The following PCED1B variants were observed in gnomAD, a reference collection of about 807,000 sequenced individuals.
PCED1B encodes the protein PC-esterase domain-containing protein 1B.
For synonymous variants in PCED1B, 251 were observed against 246.1 expected (o/e 1.02, Z -0.19); for missense variants, 573 against 573.9 (o/e 1.00, Z 0.02).
intron 3 of PCED1B, among the ~76,000 whole-genome samples, chr12:47,234,590 G>T (rs563620902): frequency 1.3e-5 from 2 of 152,070 alleles, no homozygotes; most frequent in Non-Finnish European, 1.5e-5. Flanking sequence ...GCTTACTTGG[G>T]GTCCTCATTA....
At chr12:47,164,547 G>C (rs1565576969) in intron 2 of PCED1B, among the ~76,000 whole-genome samples, 1 of 152,216 alleles carries the variant, frequency 6.6e-6, no homozygotes. Flanking sequence ...TTGGAGTCTG[G>C]TGCCTGTAGC....
intron 2 of PCED1B, among the ~76,000 whole-genome samples, chr12:47,164,486 T>C (rs1941482621): frequency 6.6e-6 from 1 of 152,250 alleles, no homozygotes; most frequent in Admixed American, 6.5e-5. Flanking sequence ...GTATGGGGAC[T>C]GGGTCCCCAA....
chr12:47,124,137 A>G (rs987668020), intron 2 of PCED1B, among the ~76,000 whole-genome samples: 1 of 152,006 alleles, frequency 6.6e-6, no homozygotes, highest in Non-Finnish European at 1.5e-5. Context: ...AACATATCTA[A>G]CATCCCAAAA....
At chr12:47,204,176 TG>T (rs1484193146) in intron 2 of PCED1B, among the ~76,000 whole-genome samples, 1 of 152,166 alleles carries the variant, frequency 6.6e-6, no homozygotes, top group East Asian at 1.9e-4. Context: ...CTCGAACTCC[TG>T]ATCTTAAATG....
At chr12:47,109,591 C>T (rs1939103617) in intron 2 of PCED1B, among the ~76,000 whole-genome samples, 1 of 152,050 alleles carries the variant, frequency 6.6e-6, no homozygotes, top group Non-Finnish European at 1.5e-5. Flanking sequence ...GTTTCTGGCT[C>T]TTTGTTTTAT....
chr12:47,169,343 AG>A (rs1376785733), intron 2 of PCED1B, among the ~76,000 whole-genome samples: 1 of 152,180 alleles, frequency 6.6e-6, no homozygotes, highest in Non-Finnish European at 1.5e-5. Flanking sequence ...TCTGAGTATC[AG>A]GAAGGTACCT....
rs2037688 is a variant in PCED1B at position 47,113,747 on chromosome 12, C to T, written c.-526+9552C>T. 9.0e-4 allele frequency among the ~76,000 whole-genome samples: 136 copies of T among 151,906 alleles called. 3 individuals are homozygous for T. The South Asian group carries it at 0.023, about 25-fold the overall frequency. On this transcript the variant is annotated intron_variant, in intron 2 of 3. Transcript: ENST00000546455. ...TTGCATGGCTGGGCACAGTGGCTCA[C>T]GCCTGTAATCCCAACACTTTGGGAG...
chr12:47,154,857 T>TG (rs1941140244), intron 2 of PCED1B, among the ~76,000 whole-genome samples: 2 of 152,044 alleles, frequency 1.3e-5, no homozygotes, highest in African/African-American at 4.8e-5. Flanking sequence ...AATTAGCCTG[T>TG]TTCTGCAAGC....
intron 3 of PCED1B, among the ~76,000 whole-genome samples, chr12:47,229,992 T>G (rs1403459075): frequency 1.3e-5 from 2 of 151,220 alleles, no homozygotes; most frequent in African/African-American, 4.9e-5. Context: ...GCCAGGATGG[T>G]CTCAATCTCC....
chr12:47,130,863 G>A (rs1021649640), intron 2 of PCED1B, among the ~76,000 whole-genome samples: 1 of 152,048 alleles, frequency 6.6e-6, no homozygotes, highest in Non-Finnish European at 1.5e-5. Flanking sequence ...GTTTTGTTTT[G>A]TTTACAGATA....
chr12:47,188,223 G>A (rs1369219678), intron 2 of PCED1B, among the ~76,000 whole-genome samples: 1 of 152,114 alleles, frequency 6.6e-6, no homozygotes, highest in African/African-American at 2.4e-5. Flanking sequence ...CACCATTGGG[G>A]TCTCTTAAAT....
At chr12:47,158,057 G>A in intron 2 of PCED1B, among the ~76,000 whole-genome samples, 1 of 152,236 alleles carries the variant, frequency 6.6e-6, no homozygotes, top group South Asian at 2.1e-4. Context: ...GAATATATTT[G>A]TTGATGAATA....
chr12:47,173,469 G>T (rs1332108636), intron 2 of PCED1B, among the ~76,000 whole-genome samples: 1 of 152,110 alleles, frequency 6.6e-6, no homozygotes, highest in Non-Finnish European at 1.5e-5. Context: ...AGTCAGGATG[G>T]TCTCGATCTC....
At chr12:47,187,434 A>G (rs1942307371) in intron 2 of PCED1B, among the ~76,000 whole-genome samples, 1 of 152,180 alleles carries the variant, frequency 6.6e-6, no homozygotes, top group Admixed American at 6.5e-5. Context: ...TTATTAACTC[A>G]GTTTCAAAAA....
At chr12:47,135,145 T>C (rs1262155699) in intron 2 of PCED1B, among the ~76,000 whole-genome samples, 1 of 152,210 alleles carries the variant, frequency 6.6e-6, no homozygotes, top group East Asian at 1.9e-4. Context: ...ATTAATGAGT[T>C]TGGTGTCCAT....
chr12:47,133,816 G>A (rs10881048), intron 2 of PCED1B, among the ~76,000 whole-genome samples: 37,193 of 152,046 alleles, frequency 0.24, 5,784 homozygotes, highest in East Asian at 0.45. Context: ...CCCCTGATAC[G>A]ATGGTATTAT....
chr12:47,218,858 C>T (rs899408750), intron 3 of PCED1B, among the ~76,000 whole-genome samples: 1 of 151,902 alleles, frequency 6.6e-6, no homozygotes, highest in South Asian at 2.1e-4. Flanking sequence ...GATCGGCCGC[C>T]TGTGGAAAAA....
intron 2 of PCED1B, among the ~76,000 whole-genome samples, chr12:47,120,455 A>T (rs1266971847): frequency 1.3e-5 from 2 of 152,210 alleles, no homozygotes; most frequent in African/African-American, 2.4e-5. Flanking sequence ...TGATGAATGG[A>T]TTAAGAAAAT....
rs1036994877 is a variant in PCED1B at position 47,236,333 on chromosome 12, C to T, written c.1270C>T (p.Pro424Ser). 2 of 1,607,582 alleles carry T rather than the reference C, an allele frequency of 1.2e-6. No homozygotes were observed. The highest frequency in any genetic ancestry group is 2.7e-5 in the African/African-American group (2 of 74,592). ...QRPRPSKRRA[P>S]ANPEPRPQ ...GCCTCGACCTTCAAAGAGAAGGGCC[C>T]CAGCCAATCCTGAGCCAAGGCCTCA... is the stretch of plus-strand genomic sequence containing the variant. Residue 424 changes from proline to serine, a missense_variant, in exon 4 of 4, where the codon CCA (proline) becomes TCA (serine). Physicochemically the swap from Pro to Ser is moderately conservative, Grantham distance 74 (BLOSUM62 -1). Coordinates refer to ENST00000546455, the MANE Select transcript of PCED1B (RefSeq NM_138371.3).
Sources: allele counts gnomAD v4.1 joint callset (sites outside exome capture counted in the v4.1 genomes callset), GRCh38; gene constraint gnomAD v4.1.1; transcripts MANE v1.5; gene names NCBI Gene and HGNC (gene_info 2026-07-23, HGNC 2026-07-21).